Variants in ZNG1F observed in about 807,000 individuals in gnomAD.
ZNG1F encodes the protein Zn regulated GTPase metalloprotein activator 1F.
chr9:41,134,109 C>T, the ZNG1F span: 1 of 227,632 alleles, frequency 4.4e-6, no homozygotes, highest in Non-Finnish European at 8.6e-6. Context: ...GTACTTTTGC[C>T]TGAGTCACCT....
chr9:41,183,292 CAT>C, the ZNG1F span, among the ~76,000 whole-genome samples: 125 of 135,414 alleles, frequency 9.2e-4, 2 homozygotes, highest in Non-Finnish European at 5.1e-4. Context: ...TCATTTTTTA[CAT>C]ATGAGACTTT....
chr9:41,175,270 A>T, the ZNG1F span, among the ~76,000 whole-genome samples: 4 of 144,454 alleles, frequency 2.8e-5, no homozygotes, highest in Non-Finnish European at 6.1e-5. Flanking sequence ...GGGCCACAAG[A>T]TCTAATGGTT....
At chr9:41,205,015 TC>T in the ZNG1F span, among the ~76,000 whole-genome samples, 2 of 148,590 alleles carry the variant, frequency 1.3e-5, no homozygotes, top group Admixed American at 6.9e-5. Flanking sequence ...AATCCAGTAT[TC>T]TTTTAATTTC....
At chr9:41,204,944 C>T in the ZNG1F span, among the ~76,000 whole-genome samples, 1 of 150,492 alleles carries the variant, frequency 6.6e-6, no homozygotes, top group Non-Finnish European at 1.5e-5. Context: ...ATATATTTAT[C>T]ATTAATTCAT....
chr9:41,200,689 A>C, the ZNG1F span, among the ~76,000 whole-genome samples: 1 of 152,178 alleles, frequency 6.6e-6, no homozygotes, highest in Admixed American at 6.6e-5. Context: ...GGCAATTTGC[A>C]AAAGAAAGAG....
the ZNG1F span, chr9:41,132,137 C>T: frequency 1.9e-6 from 3 of 1,545,110 alleles, no homozygotes; most frequent in Non-Finnish European, 2.6e-6. Context: ...AAAAGAGGAC[C>T]TGAATGGTTA....
At chr9:41,174,249 A>ACAAAAAAAAAAAAC in the ZNG1F span, 1 of 1,497,822 alleles carries the variant, frequency 6.7e-7, no homozygotes, top group African/African-American at 1.5e-5. Context: ...AAAAAAAAAA[A>ACAAAAAAAAAAAAC]AAAAAAAACA....
the ZNG1F span, among the ~76,000 whole-genome samples, chr9:41,152,584 T>C: frequency 2.1e-5 from 3 of 143,278 alleles, no homozygotes; most frequent in Non-Finnish European, 4.6e-5. Context: ...TATTCCAAAA[T>C]TGACCACATA....
the ZNG1F span, chr9:41,174,232 G>GACAAAAA: frequency 1.1e-6 from 1 of 904,710 alleles, no homozygotes; most frequent in Non-Finnish European, 1.4e-6. Context: ...CTCTGTCTCA[G>GACAAAAA]AAAAAAAAAA....
chr9:41,183,837 A>G, the ZNG1F span, among the ~76,000 whole-genome samples: 1 of 149,306 alleles, frequency 6.7e-6, no homozygotes, highest in Non-Finnish European at 1.5e-5. Context: ...ACAGTACACT[A>G]CATTATTTTA....
chr9:41,132,485 A>G, the ZNG1F span: 4 of 1,404,316 alleles, frequency 2.8e-6, 1 homozygote, highest in East Asian at 7.5e-5. Flanking sequence ...TAAGCTGAGA[A>G]AATTACTTAA....
the ZNG1F span, among the ~76,000 whole-genome samples, chr9:41,193,059 T>C: frequency 6.9e-6 from 1 of 143,900 alleles, no homozygotes; most frequent in African/African-American, 2.5e-5. Context: ...CCAAGGTAAA[T>C]ACTATTTGTG....
At chr9:41,144,351 A>G in the ZNG1F span, among the ~76,000 whole-genome samples, 1 of 68,730 alleles carries the variant, frequency 1.5e-5, no homozygotes, top group Non-Finnish European at 3.3e-5. Context: ...TTCATGTTCA[A>G]CTATATGACA....
chr9:41,178,707 C>G, the ZNG1F span, among the ~76,000 whole-genome samples: 1 of 22,464 alleles, frequency 4.5e-5, no homozygotes, highest in Non-Finnish European at 9.1e-5. Flanking sequence ...ACTGGGATTA[C>G]AGGCTCCCAC....
the ZNG1F span, among the ~76,000 whole-genome samples, chr9:41,163,906 CGCA>C: frequency 1.5e-4 from 19 of 124,810 alleles, 1 homozygote; most frequent in African/African-American, 5.3e-4. Context: ...TTCAACACTA[CGCA>C]ACAATACCTA....
the ZNG1F span, among the ~76,000 whole-genome samples, chr9:41,201,380 A>T: frequency 1.5e-5 from 2 of 131,430 alleles, no homozygotes; most frequent in East Asian, 5.1e-4. Context: ...GACAGAGACA[A>T]TGGGGGAAGA....
chr9:41,204,934 A>G, the ZNG1F span, among the ~76,000 whole-genome samples: 2 of 150,684 alleles, frequency 1.3e-5, no homozygotes, highest in African/African-American at 4.9e-5. Flanking sequence ...GCATAATACC[A>G]TATATTTATC....
At chr9:41,203,250 T>C in the ZNG1F span, among the ~76,000 whole-genome samples, 3 of 152,188 alleles carry the variant, frequency 2.0e-5, no homozygotes, top group Non-Finnish European at 2.9e-5. Context: ...GGGAGATACT[T>C]TGAAGCTATG....
chr9:41,157,656 A>G, the ZNG1F span: 2 of 149,968 alleles, frequency 1.3e-5, no homozygotes, highest in African/African-American at 2.4e-5. Flanking sequence ...TTTTTCTTTA[A>G]TGCACAAACA....
Sources: allele counts gnomAD v4.1 joint callset (sites outside exome capture counted in the v4.1 genomes callset), GRCh38; gene constraint gnomAD v4.1.1; transcripts MANE v1.5; gene names NCBI Gene and HGNC (gene_info 2026-07-23, HGNC 2026-07-21).